Variants in B3GNT4 observed in about 807,000 individuals in gnomAD.
B3GNT4 encodes UDP-GlcNAc:betaGal beta-1,3-N-acetylglucosaminyltransferase 4.
B3GNT4 carries 2 observed loss-of-function variants against 2.7 expected under a neutral mutation model. The observed-to-expected ratio is 0.73, with a 90% CI of 0.30 to 2.31. The LOEUF (loss-of-function observed/expected upper bound fraction) is 2.31. B3GNT4 is among the 30% of genes most tolerant of loss of function. The pLI, the probability that B3GNT4 is intolerant of heterozygous loss-of-function variation, is 0.12. For synonymous variants in B3GNT4, 280 were observed against 203.4 expected, an observed-to-expected ratio of 1.38 and a Z score of -3.20; for missense variants, 708 against 490.9, an observed-to-expected ratio of 1.44 and a Z score of -4.18.
intron 1 of B3GNT4, 108 bp from the exon 2 acceptor site, chr12:122,204,400 ACAGGGGCCACCCGG>A (rs1953887490): frequency 4.0e-6 from 2 of 499,526 alleles, no homozygotes; most frequent in East Asian, 8.7e-5. Flanking sequence ...CCGCGGCGGG[ACAGGGGCCACCCGG>A]GCCGCGGCGC....
At position 122,207,987 on chromosome 12, in the gene B3GNT4, G is replaced by T. The variant is rs1430089479; in HGVS notation, c.*599G>T. Reference sequence around the variant, plus strand: ...GCCACAACTGGCATCCCAACAGAGGGAACAAGTACTAAATCATTTTTGACG... The same window carrying T: ...GCCACAACTGGCATCCCAACAGAGGTAACAAGTACTAAATCATTTTTGACG... On this transcript the variant is annotated 3_prime_UTR_variant, in exon 3 of 3. Transcript: ENST00000324189. 2.1e-6 allele frequency: 1 copy of T among 473,426 alleles called. No homozygotes were observed. Among genetic ancestry groups the T allele is most frequent in the South Asian group, 1.5e-5 (1 of 64,644 alleles). The allele number at this position is 473,426 out of a possible 1,614,324, so 29.3% of individuals were successfully genotyped here.
chr12:122,206,098 C>T (rs2136073297), intron 2 of B3GNT4: 1 of 483,556 alleles, frequency 2.1e-6, no homozygotes, highest in Middle Eastern at 5.2e-4. Context: ...ACCCAGGAGT[C>T]CTCAGATGAT....
rs1953983070 is a variant in B3GNT4 at position 122,208,362 on chromosome 12, G to C, written c.*974G>C. On this transcript the variant is annotated 3_prime_UTR_variant, in exon 3 of 3. Transcript: ENST00000324189. The stretch of plus-strand genomic sequence containing the variant: ...GCTTTCCCCACTGAGTGGGGAGACA[G>C]GGCAGTGTGCTCAGGCCCTCAATCC... 3.1e-6 allele frequency: 5 copies of C among 1,610,930 alleles called. No individual in the cohort carries two copies. The highest frequency in any genetic ancestry group is 2.2e-5 in the East Asian group (1 of 44,888).
intron 2 of B3GNT4, chr12:122,204,930 C>T (rs1455950227): frequency 1.2e-5 from 6 of 510,086 alleles, no homozygotes; most frequent in South Asian, 2.4e-5. Context: ...CTGGGGAGGC[C>T]GAGGCCGGAG....
Position 122,208,580 on chromosome 12 carries a change from G to A in B3GNT4, c.*1192G>A. The A allele has an allele frequency of 6.2e-7, 1 of 1,611,680 alleles. No homozygotes were observed. The highest frequency in any genetic ancestry group is 1.3e-5 in the African/African-American group (1 of 75,040). ...GGTTATAGAGGCCTGATCTGCGCCTGCCAAAAGATGGGACAATCGGGTTGA... is the reference window on the plus strand; with the variant it reads ...GGTTATAGAGGCCTGATCTGCGCCTACCAAAAGATGGGACAATCGGGTTGA... On this transcript the variant is annotated 3_prime_UTR_variant, in exon 3 of 3. Transcript: ENST00000324189.
In B3GNT4 at chr12:122,206,882, G is replaced by C; in HGVS notation, c.631G>C (p.Ala211Pro). Reference protein sequence around the residue: ...QRWVVAACPQAHFMLKGDDDV... With the variant: ...QRWVVAACPQPHFMLKGDDDV... The stretch of plus-strand genomic sequence containing the variant: ...CTGGGTGGTGGCTGCCTGCCCCCAG[G>C]CCCATTTCATGCTAAAGGGAGATGA... Residue 211 changes from alanine (A) to proline (P), a missense_variant, in exon 3 of 3, where the codon GCC becomes CCC. Ala to Pro is a conservative substitution (Grantham distance 27, BLOSUM62 -1). Transcript: ENST00000324189. The C allele has an allele frequency of 6.2e-7, 1 of 1,613,966 alleles. No homozygotes were observed. Among genetic ancestry groups the C allele is most frequent in the South Asian group, 1.1e-5 (1 of 91,090 alleles).
Position 122,207,215 on chromosome 12 carries a change from C to A in B3GNT4, c.964C>A (p.His322Asn), listed in dbSNP as rs1355416354. ...GCGGCTGGGGCTGAGCCCTATGCAC[C>A]ATGCTGGCTTCAAGACATTTGGAAT... ...LRRLGLSPMHHAGFKTFGIRR... is the reference protein window; with the variant it reads ...LRRLGLSPMHNAGFKTFGIRR... The change falls in exon 3 of 3, where the codon CAT (histidine) becomes AAT (asparagine). Residue 322 changes from histidine to asparagine, a missense_variant. Transcript: ENST00000324189. 3 of 1,614,094 alleles carry A rather than the reference C, an allele frequency of 1.9e-6. No individual in the cohort carries two copies. In the South Asian group the frequency reaches 3.3e-5, roughly 18 times the overall value.
intron 2 of B3GNT4, 77 bp downstream of exon 2, chr12:122,204,761 T>C: frequency 2.3e-6 from 3 of 1,323,414 alleles, no homozygotes; most frequent in Non-Finnish European, 2.1e-6. Flanking sequence ...CTCAGAAAAC[T>C]CTGGCCGGTG....
At chr12:122,204,114 C>T (rs1953883683) in intron 1 of B3GNT4, among the ~76,000 whole-genome samples, 1 of 151,742 alleles carries the variant, frequency 6.6e-6, no homozygotes. Context: ...GCCCGGGGGT[C>T]CCCGCAGAGT....
chr12:122,207,973 C>T lies in B3GNT4; in HGVS notation c.*585C>T. The T allele has an allele frequency of 2.1e-6, 1 of 468,834 alleles. No homozygotes were observed. Among genetic ancestry groups the T allele is most frequent in the Non-Finnish European group, 4.2e-6 (1 of 237,194 alleles). The allele number at this position is 468,834 out of a possible 1,614,324, so 29.0% of individuals were successfully genotyped here. On this transcript the variant is annotated 3_prime_UTR_variant, in exon 3 of 3. Coordinates refer to ENST00000324189, the MANE Select transcript of B3GNT4 (RefSeq NM_030765.4). Reference sequence around the variant, plus strand: ...GTTCCCCTCCCCCTGCCACAACTGGCATCCCAACAGAGGGAACAAGTACTA... The same window carrying T: ...GTTCCCCTCCCCCTGCCACAACTGGTATCCCAACAGAGGGAACAAGTACTA...
chr12:122,207,152 T>G lies in B3GNT4; in HGVS notation c.901T>G (p.Phe301Val). Residue 301 changes from phenylalanine to valine, a missense_variant, in exon 3 of 3, where the codon TTC becomes GTC. Transcript: ENST00000324189. Reference sequence around the variant, plus strand: ...GGCTATCATGGAAGATGCTGAACTCTTCCCCATTGATGATGTCTTTGTGGG... The same window carrying G: ...GGCTATCATGGAAGATGCTGAACTCGTCCCCATTGATGATGTCTTTGTGGG... ...LQAIMEDAEL[F>V]PIDDVFVGMC... 6.2e-7 allele frequency: 1 copy of G among 1,614,024 alleles called. No homozygotes were observed. Among genetic ancestry groups the G allele is most frequent in the Non-Finnish European group, 8.5e-7 (1 of 1,179,934 alleles).
At chr12:122,205,249 C>T (rs1953899548) in intron 2 of B3GNT4, 1 of 153,828 alleles carries the variant, frequency 6.5e-6, no homozygotes, top group Non-Finnish European at 1.4e-5. Context: ...TTTTAGCTAC[C>T]CTTGGCTATG....
chr12:122,204,349 G>A (rs1044948058), intron 1 of B3GNT4, among the ~76,000 whole-genome samples, 173 bp from the exon 2 acceptor site: 1 of 151,828 alleles, frequency 6.6e-6, no homozygotes, highest in Non-Finnish European at 1.5e-5. Context: ...GCGGCTCGGA[G>A]GGCGGCGGGG....
chr12:122,208,862 G>C lies in B3GNT4; in HGVS notation c.*1474G>C. 1 of 501,386 alleles carries C rather than the reference G, an allele frequency of 2.0e-6. No individual in the cohort carries two copies. Among genetic ancestry groups the C allele is most frequent in the South Asian group, 1.7e-5 (1 of 59,738 alleles). 31.1% of individuals were successfully genotyped at this position (501,386 alleles called of 1,614,324 possible). A position where few individuals can be genotyped will look rare whatever the true frequency, so the allele number is the denominator to read the frequency against. ...CATCTTTATAGCTACAGAGCTTTTA[G>C]TACAGACCTTTGATTAATTTTTTTA... On this transcript the variant is annotated 3_prime_UTR_variant, in exon 3 of 3. Transcript: ENST00000324189.
rs1168276086 is a variant in B3GNT4 at position 122,207,010 on chromosome 12, C to A, written c.759C>A (p.Asn253Lys). The change falls in exon 3 of 3, where the codon AAC becomes AAA. Residue 253 changes from asparagine to lysine, a missense_variant. Physicochemically the swap from Asn to Lys is moderately conservative, Grantham distance 94. Transcript: ENST00000324189. Reference protein sequence around the residue: ...VGDVIRQALPNRNTKVKYFIP... With the variant: ...VGDVIRQALPKRNTKVKYFIP... The stretch of plus-strand genomic sequence containing the variant: ...ATGTCATCCGCCAAGCCCTGCCCAA[C>A]AGGAACACTAAGGTCAAATACTTCA... 2 of 1,614,034 alleles carry A rather than the reference C, an allele frequency of 1.2e-6. No individual in the cohort carries two copies. The highest frequency in any genetic ancestry group is 1.7e-5 in the Admixed American group (1 of 60,018).
rs1185557077 is a variant in B3GNT4 at position 122,207,813 on chromosome 12, G to C, written c.*425G>C. On this transcript the variant is annotated 3_prime_UTR_variant, in exon 3 of 3. Transcript: ENST00000324189. ...TGTTAAGTCCTGTTGAGAGCACCAG[G>C]TAAACACTCTGCACCCCTTCTCTTA... 1 of 464,822 alleles carries C rather than the reference G, an allele frequency of 2.2e-6. No homozygotes were observed. The highest frequency in any genetic ancestry group is 2.3e-5 in the Admixed American group (1 of 42,834). 28.8% of individuals were successfully genotyped at this position (464,822 alleles called of 1,614,324 possible).
At position 122,208,764 on chromosome 12, in the gene B3GNT4, C is replaced by G. The variant is rs772654191; in HGVS notation, c.*1376C>G. 1.7e-5 allele frequency: 12 copies of G among 704,900 alleles called. No individual in the cohort carries two copies. The highest frequency in any genetic ancestry group is 2.8e-5 in the Non-Finnish European group (11 of 391,106). 43.7% of individuals were successfully genotyped at this position (704,900 alleles called of 1,614,324 possible). ...TGTTCAGGTCTGGATTTAACTGACA[C>G]TCTGTCAAAAACAGCATTTTTCTTC... On this transcript the variant is annotated 3_prime_UTR_variant, in exon 3 of 3. Coordinates refer to ENST00000324189, the MANE Select transcript of B3GNT4 (RefSeq NM_030765.4).
Position 122,207,611 on chromosome 12 carries a change from C to CGGGCGCTGCCTG in B3GNT4, c.*233_*244dup, listed in dbSNP as rs530101437. On this transcript the variant is annotated 3_prime_UTR_variant, in exon 3 of 3. Coordinates refer to ENST00000324189, the MANE Select transcript of B3GNT4 (RefSeq NM_030765.4). ...CTGCCAGGAACCTGTCGGGGCATTC[C>CGGGCGCTGCCTG]GGGCGCTGCCTGGGGCGCTGCAGTC... 5 of 629,490 alleles carry CGGGCGCTGCCTG rather than the reference C, an allele frequency of 7.9e-6. No individual in the cohort carries two copies. The highest frequency in any genetic ancestry group is 5.6e-5 in the East Asian group (2 of 35,642). 39.0% of individuals were successfully genotyped at this position (629,490 alleles called of 1,614,324 possible). A position where few individuals can be genotyped will look rare whatever the true frequency, so the allele number is the denominator to read the frequency against.
chr12:122,207,417 GGA>G lies in B3GNT4; in HGVS notation c.*30_*31del. On this transcript the variant is annotated 3_prime_UTR_variant, in exon 3 of 3. Transcript: ENST00000324189. ...GTGGGTTGGGCAACAGCCTGAGAGT[GGA>G]CTCAGTGTTGATTCTCTATCGTGAT... is the stretch of plus-strand genomic sequence containing the variant. 6.6e-7 allele frequency: 1 copy of G among 1,506,416 alleles called. No homozygotes were observed. The highest frequency in any genetic ancestry group is 8.9e-7 in the Non-Finnish European group (1 of 1,128,818). The allele number at this position is 1,506,416 out of a possible 1,614,324, so 93.3% of individuals were successfully genotyped here. A position where few individuals can be genotyped will look rare whatever the true frequency, so the allele number is the denominator to read the frequency against.
Sources: gnomAD v4.1 joint callset for allele counts (sites outside exome capture counted in the v4.1 genomes callset) on GRCh38, gnomAD v4.1.1 for gene constraint, MANE v1.5 for transcripts, NCBI Gene and HGNC (gene_info 2026-07-23, HGNC 2026-07-21) for gene names.